The following ARHGAP29 variants were observed in gnomAD, a reference collection of about 807,000 sequenced individuals.
ARHGAP29 encodes the protein rho GTPase-activating protein 29.
ARHGAP29 carries 43 observed loss-of-function variants against 122.6 expected under a neutral mutation model. That is an observed-to-expected ratio of 0.35 (90% CI 0.27 to 0.45). The LOEUF (loss-of-function observed/expected upper bound fraction) is 0.45, where lower values mean the gene tolerates loss of function less well. Ranked by LOEUF, ARHGAP29 falls within the 20% of genes least tolerant of loss-of-function variation. The probability of loss-of-function intolerance (pLI) is 1.00; values close to 1 mark genes in which losing one functional copy is unlikely to be tolerated. For missense variants in ARHGAP29, 1,303 were observed against 1,477.2 expected (o/e 0.88, Z 1.93); for synonymous variants, 506 against 497.1 (o/e 1.02, Z -0.24).
In ARHGAP29 at chr1:94,169,071, C is replaced by T. The variant is rs1432608195; in HGVS notation, c.*4798G>A. ...AGCCAAGACCAAAAAGTGAGAACCA[C>T]AATTCAATATTTTCTATAAATTTCA... On this transcript the variant is annotated 3_prime_UTR_variant, in exon 23 of 23. Coordinates refer to ENST00000260526, the MANE Select transcript of ARHGAP29 (RefSeq NM_004815.4). Among the ~76,000 whole-genome samples, 2 of 152,180 alleles carry T rather than the reference C, an allele frequency of 1.3e-5. No homozygotes were observed. Among genetic ancestry groups the T allele is most frequent in the Non-Finnish European group, 2.9e-5 (2 of 68,028 alleles).
rs1651147392 is a variant in ARHGAP29, at chr1:94,205,693, T to C, written c.511-10A>G. 6.2e-7 allele frequency: 1 copy of C among 1,608,576 alleles called. No individual in the cohort carries two copies. Among genetic ancestry groups the C allele is most frequent in the Non-Finnish European group, 8.5e-7 (1 of 1,177,826 alleles). On this transcript the variant is annotated splice_polypyrimidine_tract_variant and intron_variant, in intron 5 of 22. Transcript: ENST00000260526. ...AAACATTTTCAAACGACTTACAACATGGAAAAAGATAAATTTAAAATTAGA... is the reference window on the plus strand; with the variant it reads ...AAACATTTTCAAACGACTTACAACACGGAAAAAGATAAATTTAAAATTAGA...
upstream of ARHGAP29, among the ~76,000 whole-genome samples, chr1:94,241,644 ATATATATATCTTATATATATAAT>A (rs1436805734): frequency 7.0e-6 from 1 of 143,584 alleles, no homozygotes; most frequent in Non-Finnish European, 1.5e-5. Context: ...ATATATAATT[ATATATATATCTTATATATATAAT>A]TATATATGAT....
chr1:94,184,388 T>A (rs976632644), intron 18 of ARHGAP29, 100 bp from the exon 19 acceptor site: 7 of 857,194 alleles, frequency 8.2e-6, no homozygotes, highest in Middle Eastern at 3.6e-4. Context: ...TTTCACTCTA[T>A]TTCAAATTTT....
chr1:94,203,666 C>A (rs972165988), intron 8 of ARHGAP29, among the ~76,000 whole-genome samples: 2 of 151,876 alleles, frequency 1.3e-5, no homozygotes, highest in Non-Finnish European at 2.9e-5. Flanking sequence ...CCTCGGGGGA[C>A]AGAGGTTGCA....
the ARHGAP29 span, among the ~76,000 whole-genome samples, chr1:94,286,127 A>C: frequency 4.6e-5 from 7 of 152,286 alleles, no homozygotes; most frequent in African/African-American, 1.7e-4. Flanking sequence ...CAGCATGGTC[A>C]GGGTCTGTTG....
At chr1:94,201,202 G>GA (rs1231725223) in intron 12 of ARHGAP29, among the ~76,000 whole-genome samples, 1 of 152,120 alleles carries the variant, frequency 6.6e-6, no homozygotes. Context: ...GCAAAGCCAA[G>GA]AAAACTGGTG....
chr1:94,207,062 G>A (rs2101531217), intron 5 of ARHGAP29, among the ~76,000 whole-genome samples: 1 of 151,132 alleles, frequency 6.6e-6, no homozygotes, highest in Non-Finnish European at 1.5e-5. Context: ...AGGCTGGAGT[G>A]CAGCGCCACG....
the ARHGAP29 span, among the ~76,000 whole-genome samples, chr1:94,286,933 AACACTATCAACCTGGAGATAGCATTACG>A: frequency 1.3e-5 from 2 of 152,176 alleles, no homozygotes; most frequent in Non-Finnish European, 2.9e-5. Context: ...ATTCAATTCC[AACACTATCAACCTGGAGATAGCATTACG>A]ACACTATCAA....
At chr1:94,265,749 C>T (rs1244093049) in intron 1 of ARHGAP29, among the ~76,000 whole-genome samples, 1 of 152,168 alleles carries the variant, frequency 6.6e-6, no homozygotes, top group South Asian at 2.1e-4. Flanking sequence ...TTCCTTAGAC[C>T]TATTGCTGAA....
chr1:94,174,684 T>C lies in ARHGAP29; in HGVS notation c.2971A>G (p.Thr991Ala), dbSNP rs774950084. 3.7e-6 allele frequency: 6 copies of C among 1,614,022 alleles called. No homozygotes were observed. In the East Asian group the frequency reaches 6.7e-5, roughly 18 times the overall value. Residue 991 changes from threonine to alanine, a missense_variant, in exon 23 of 23, where the codon ACC becomes GCC. Coordinates refer to ENST00000260526, the MANE Select transcript of ARHGAP29 (RefSeq NM_004815.4). ...SASQKIEDGK[T>A]PKPLSLKSDR... ...GATTTCAGAGAAAGTGGCTTAGGGGTTTTACCATCTTCTATCTTTTGGGAT... is the reference window on the plus strand; with the variant it reads ...GATTTCAGAGAAAGTGGCTTAGGGGCTTTACCATCTTCTATCTTTTGGGAT...
intron 3 of ARHGAP29, among the ~76,000 whole-genome samples, chr1:94,219,309 C>T (rs974191040): frequency 4.6e-5 from 7 of 151,992 alleles, no homozygotes; most frequent in Non-Finnish European, 7.4e-5. Context: ...AGGTGTTTCT[C>T]CAATTCCTCT....
At chr1:94,203,047 G>T (rs1650959966) in intron 9 of ARHGAP29, 49 bp from the exon 10 acceptor site, 2 of 1,594,306 alleles carry the variant, frequency 1.3e-6, no homozygotes, top group Admixed American at 1.8e-5. Context: ...TTTTCTAATG[G>T]CATGCCATTG....
At chr1:94,178,260 T>C (rs1649234487) in intron 20 of ARHGAP29, 93 bp from the exon 21 acceptor site, 7 of 1,233,892 alleles carry the variant, frequency 5.7e-6, no homozygotes, top group Non-Finnish European at 5.6e-6. Flanking sequence ...GGAGGGAAAA[T>C]GAGCTGCACA....
intron 1 of ARHGAP29, among the ~76,000 whole-genome samples, chr1:94,233,891 G>A (rs955411303): frequency 1.3e-5 from 2 of 152,062 alleles, no homozygotes; most frequent in Non-Finnish European, 2.9e-5. Flanking sequence ...ACACATAATA[G>A]GTCATGACCC....
chr1:94,271,441 C>A (rs770254097), intron 1 of ARHGAP29, among the ~76,000 whole-genome samples: 11 of 152,136 alleles, frequency 7.2e-5, no homozygotes, highest in Non-Finnish European at 1.3e-4. Context: ...AAGATTATTT[C>A]TTTTTCATTA....
chr1:94,192,173 T>C (rs1650168407), intron 12 of ARHGAP29: 1 of 152,184 alleles, frequency 6.6e-6, no homozygotes, highest in African/African-American at 2.4e-5. Flanking sequence ...GGAAGTTTTC[T>C]GGTTCAGATG....
chr1:94,215,894 T>C (rs1434978317), intron 3 of ARHGAP29, among the ~76,000 whole-genome samples: 1 of 151,936 alleles, frequency 6.6e-6, no homozygotes, highest in Non-Finnish European at 1.5e-5. Flanking sequence ...GAAAAGCAGA[T>C]AAAAGGTCAA....
rs574477569 is a variant in ARHGAP29, at chr1:94,171,324, C to G, written c.*2545G>C. On this transcript the variant is annotated 3_prime_UTR_variant, in exon 23 of 23. Coordinates refer to ENST00000260526, the MANE Select transcript of ARHGAP29 (RefSeq NM_004815.4). ...GGTACACTAAAAGTAATTTAACATA[C>G]TGTACTCATAAATTCTAACTAAGTT... is the stretch of plus-strand genomic sequence containing the variant. 5.8e-4 allele frequency among the ~76,000 whole-genome samples: 88 copies of G among 152,314 alleles called. No homozygotes were observed. In the South Asian group the frequency reaches 0.012, roughly 21 times the overall value.
intron 9 of ARHGAP29, 50 bp from the exon 10 acceptor site, chr1:94,203,048 C>T: frequency 6.3e-7 from 1 of 1,596,574 alleles, no homozygotes; most frequent in Non-Finnish European, 8.5e-7. Flanking sequence ...TTTCTAATGG[C>T]ATGCCATTGC....
Sources: allele counts gnomAD v4.1 joint callset (sites outside exome capture counted in the v4.1 genomes callset), GRCh38; gene constraint gnomAD v4.1.1; transcripts MANE v1.5; gene names NCBI Gene and HGNC (gene_info 2026-07-23, HGNC 2026-07-21).